The following IL6ST variants were observed in gnomAD, a reference collection of about 807,000 sequenced individuals.
IL6ST encodes the protein interleukin-6 receptor subunit beta.
A neutral mutation model predicts 91.3 loss-of-function variants in IL6ST; 24 were observed. That is an observed-to-expected ratio of 0.26 (90% CI 0.19 to 0.37). The LOEUF (loss-of-function observed/expected upper bound fraction) is 0.37. Ranked by LOEUF, IL6ST falls within the 10% of genes least tolerant of loss-of-function variation. The probability of loss-of-function intolerance (pLI) is 1.00; values close to 1 mark genes in which losing one functional copy is unlikely to be tolerated. For missense variants in IL6ST, 914 were observed against 1,078.5 expected, an observed-to-expected ratio of 0.85 and a Z score of 2.14; for synonymous variants, 351 against 373.6, an observed-to-expected ratio of 0.94 and a Z score of 0.70.
At position 55,973,448 on chromosome 5, in the gene IL6ST, C is replaced by T. The variant is rs552734259; in HGVS notation, c.64+2767G>A. Among the ~76,000 whole-genome samples, 4 of 152,270 alleles carry T rather than the reference C, an allele frequency of 2.6e-5. No homozygotes were observed. The East Asian group carries it at 5.8e-4, about 22-fold the overall frequency. Reference sequence around the variant, plus strand: ...TCCAATTAGCTTTCTTTCTCTCTCCCGGGATATCTGCCCTTAGAACCCAGC... The same window carrying T: ...TCCAATTAGCTTTCTTTCTCTCTCCTGGGATATCTGCCCTTAGAACCCAGC... On this transcript the variant is annotated intron_variant, in intron 3 of 16. Coordinates refer to ENST00000381298, the MANE Select transcript of IL6ST (RefSeq NM_002184.4).
intron 2 of IL6ST, among the ~76,000 whole-genome samples, chr5:55,977,749 C>G (rs2111868263): frequency 6.6e-6 from 1 of 152,182 alleles, no homozygotes; most frequent in East Asian, 1.9e-4. Context: ...CTGTTTGAAC[C>G]CGTGAAACAG....
Position 55,935,857 on chromosome 5 carries a change from A to G in IL6ST, c.*5225T>C. ...AAAGAGTATGCTCTCAAGGAGTTACATAATCTTTTCCAAAGCAGGATGGAC... is the reference window on the plus strand; with the variant it reads ...AAAGAGTATGCTCTCAAGGAGTTACGTAATCTTTTCCAAAGCAGGATGGAC... On this transcript the variant is annotated 3_prime_UTR_variant, in exon 17 of 17. Transcript: ENST00000381298. 2 of 218,222 alleles carry G rather than the reference A, an allele frequency of 9.2e-6. No individual in the cohort carries two copies. Among genetic ancestry groups the G allele is most frequent in the Non-Finnish European group, 1.8e-5 (2 of 108,592 alleles). The allele number at this position is 218,222 out of a possible 1,614,324, so 13.5% of individuals were successfully genotyped here.
rs879908312 is a variant in IL6ST at position 55,960,635 on chromosome 5, C to CT, written c.814-75dup. ...TCTAAATTGTGTTAAAATTCAGAAACTTTTTTTTTTGAGGCACAGCCTTGC... is the reference window on the plus strand; with the variant it reads ...TCTAAATTGTGTTAAAATTCAGAAACTTTTTTTTTTTGAGGCACAGCCTTGC... On this transcript the variant is annotated intron_variant, in intron 7 of 16. Transcript: ENST00000381298. 9.6e-3 allele frequency: 12,456 copies of CT among 1,297,946 alleles called. 1 individual carries two copies. The highest frequency in any genetic ancestry group is 0.012 in the South Asian group (725 of 61,344). The allele number at this position is 1,297,946 out of a possible 1,614,324, so 80.4% of individuals were successfully genotyped here.
intron 1 of IL6ST, among the ~76,000 whole-genome samples, chr5:55,991,831 C>A (rs1754350455): frequency 6.6e-6 from 1 of 151,942 alleles, no homozygotes; most frequent in South Asian, 2.1e-4. Flanking sequence ...CAATTGCAAG[C>A]AATCTGGCTT....
chr5:55,950,230 G>T, intron 14 of IL6ST: 1 of 477,312 alleles, frequency 2.1e-6, no homozygotes, highest in Admixed American at 2.2e-5. Context: ...AGTTTGAATA[G>T]GCAAGTAAGA....
At chr5:55,956,312 A>AAC in intron 9 of IL6ST, 77 bp from the exon 10 acceptor site, 1 of 775,416 alleles carries the variant, frequency 1.3e-6, no homozygotes, top group Non-Finnish European at 2.1e-6. Flanking sequence ...CATATTCACA[A>AAC]ATCATGCCAT....
intron 14 of IL6ST, among the ~76,000 whole-genome samples, chr5:55,949,523 T>TAC (rs1185184318): frequency 3.3e-5 from 5 of 151,998 alleles, no homozygotes; most frequent in South Asian, 4.1e-4. Flanking sequence ...TGTGTGTGTG[T>TAC]ACACACACAC....
rs919245929 is a variant in IL6ST at position 55,976,195 on chromosome 5, G to C, written c.64+20C>G. ...ACCTAATTTGTGAAGTTAGAAGATAGGGTATTTCATGAACCTTACCTGTAG... is the reference window on the plus strand; with the variant it reads ...ACCTAATTTGTGAAGTTAGAAGATACGGTATTTCATGAACCTTACCTGTAG... On this transcript the variant is annotated intron_variant, in intron 3 of 16. Coordinates refer to ENST00000381298, the MANE Select transcript of IL6ST (RefSeq NM_002184.4). 2.2e-6 allele frequency: 3 copies of C among 1,390,836 alleles called. No individual in the cohort carries two copies. The highest frequency in any genetic ancestry group is 2.9e-5 in the African/African-American group (2 of 69,038). The allele number at this position is 1,390,836 out of a possible 1,614,324, so 86.2% of individuals were successfully genotyped here. A position where few individuals can be genotyped will look rare whatever the true frequency, so the allele number is the denominator to read the frequency against.
intron 1 of IL6ST, among the ~76,000 whole-genome samples, chr5:55,986,712 T>G (rs886428385): frequency 6.6e-6 from 1 of 152,224 alleles, no homozygotes; most frequent in Non-Finnish European, 1.5e-5. Flanking sequence ...CTATAATTCT[T>G]TGTTTTCTTA....
At chr5:55,958,183 A>G (rs1752099005) in intron 8 of IL6ST, among the ~76,000 whole-genome samples, 1 of 152,122 alleles carries the variant, frequency 6.6e-6, no homozygotes, top group Non-Finnish European at 1.5e-5. Context: ...ATAGTGCACT[A>G]TAACCTTCAG....
At chr5:55,966,449 T>G (rs1039409746) in intron 5 of IL6ST, among the ~76,000 whole-genome samples, 3 of 152,228 alleles carry the variant, frequency 2.0e-5, no homozygotes, top group African/African-American at 7.2e-5. Flanking sequence ...CACAGGTGTC[T>G]GTACTTGTCA....
intron 5 of IL6ST, among the ~76,000 whole-genome samples, chr5:55,964,540 TTG>T (rs1221699943): frequency 6.6e-6 from 1 of 152,168 alleles, no homozygotes; most frequent in African/African-American, 2.4e-5. Context: ...TCTAAAAATA[TTG>T]TGCTTTAAAA....
intron 8 of IL6ST, chr5:55,959,810 T>A (rs969154721): frequency 3.0e-6 from 1 of 335,068 alleles, no homozygotes; most frequent in South Asian, 2.7e-5. Flanking sequence ...TGGACAAGTC[T>A]CCTTGAATAA....
chr5:55,964,393 T>C (rs915590808), intron 5 of IL6ST, 81 bp from the exon 6 acceptor site: 5 of 928,484 alleles, frequency 5.4e-6, no homozygotes, highest in Non-Finnish European at 8.4e-6. Context: ...TGCAAAGAGT[T>C]TGATGAGACC....
chr5:55,969,345 T>C (rs1332957212), intron 4 of IL6ST, among the ~76,000 whole-genome samples: 2 of 152,160 alleles, frequency 1.3e-5, no homozygotes, highest in African/African-American at 4.8e-5. Context: ...ATGTCAAATA[T>C]TTCTCTAGTA....
chr5:55,986,177 GACT>G (rs1214159214), intron 1 of IL6ST, among the ~76,000 whole-genome samples: 1 of 152,152 alleles, frequency 6.6e-6, no homozygotes, highest in Non-Finnish European at 1.5e-5. Flanking sequence ...CTGATTTTCT[GACT>G]ACTACTTCTA....
Position 55,960,947 on chromosome 5 carries a change from T to C in IL6ST, c.814-386A>G, listed in dbSNP as rs1017193195. Among the ~76,000 whole-genome samples, 10 of 152,186 alleles carry C rather than the reference T, an allele frequency of 6.6e-5. No individual in the cohort carries two copies. The South Asian group carries it at 2.1e-3, about 32-fold the overall frequency. ...CGCTCAGCCTAGAAACTATTTATTT[T>C]TGAGACAGAGTCTCCCTCTGTCGCC... On this transcript the variant is annotated intron_variant, in intron 7 of 16. Transcript: ENST00000381298.
At position 55,951,512 on chromosome 5, in the gene IL6ST, C is replaced by T. The variant is rs767305189; in HGVS notation, c.1792G>A (p.Glu598Lys). ...AATTCTGGACCATCCTTCCCACCTT[C>T]ATCTGTGTATGCTGCCATTCGTACC... is the stretch of plus-strand genomic sequence containing the variant. ...YMVRMAAYTD[E>K]GGKDGPEFTF... The change falls in exon 14 of 17, where the codon GAA becomes AAA. Residue 598 changes from glutamate to lysine, a missense_variant. By Grantham distance (56) the Glu-to-Lys change is moderately conservative (BLOSUM62 1). Coordinates refer to ENST00000381298, the MANE Select transcript of IL6ST (RefSeq NM_002184.4). 3 of 1,613,058 alleles carry T rather than the reference C, an allele frequency of 1.9e-6. No homozygotes were observed. In the African/African-American group the frequency reaches 4.0e-5, roughly 22 times the overall value.
chr5:55,953,745 T>C (rs893491764), intron 11 of IL6ST, among the ~76,000 whole-genome samples: 2 of 152,178 alleles, frequency 1.3e-5, no homozygotes, highest in Non-Finnish European at 2.9e-5. Flanking sequence ...TACCAGCACT[T>C]TGGGAGTTTG....
Sources: allele counts gnomAD v4.1 joint callset (sites outside exome capture counted in the v4.1 genomes callset), GRCh38; gene constraint gnomAD v4.1.1; transcripts MANE v1.5; gene names NCBI Gene and HGNC (gene_info 2026-07-23, HGNC 2026-07-21).